MGAT4C: variants seen among roughly 807,000 people sequenced by gnomAD.
MGAT4C encodes the protein MGAT4 family member C, also known as alpha-1,3-mannosyl-glycoprotein 4-beta-N-acetylglucosaminyltransferase C.
In MGAT4C, 19 loss-of-function variants were observed where a neutral mutation model predicts 40.1. The ratio of observed to expected loss-of-function variants is 0.47; its 90% CI spans 0.33 to 0.70. The LOEUF (loss-of-function observed/expected upper bound fraction) is 0.70, where lower values mean the gene tolerates loss of function less well. Ranked by LOEUF, MGAT4C falls within the 30% of genes least tolerant of loss-of-function variation. MGAT4C has a pLI of 0.02. For missense variants in MGAT4C, 491 were observed against 563.2 expected (o/e 0.87, Z 1.30); for synonymous variants, 181 against 187.1 (o/e 0.97, Z 0.27).
At chr12:86,495,868 C>T (rs1470614913) in intron 2 of MGAT4C, among the ~76,000 whole-genome samples, 1 of 151,882 alleles carries the variant, frequency 6.6e-6, no homozygotes, top group African/African-American at 2.4e-5. Flanking sequence ...ACGCCAGACC[C>T]CTCACCCATC....
intron 2 of MGAT4C, among the ~76,000 whole-genome samples, chr12:86,545,181 T>C (rs1418843057): frequency 6.6e-6 from 1 of 152,002 alleles, no homozygotes; most frequent in Admixed American, 6.6e-5. Context: ...TGTAAATCAA[T>C]TTATAAATGA....
intron 2 of MGAT4C, among the ~76,000 whole-genome samples, chr12:86,632,191 C>G (rs1379811856): frequency 3.3e-5 from 5 of 152,004 alleles, no homozygotes; most frequent in Non-Finnish European, 7.3e-5. Context: ...AAATGGAAAT[C>G]AAAATCACAA....
chr12:86,355,114 G>A (rs2136195418), intron 3 of MGAT4C, among the ~76,000 whole-genome samples: 1 of 152,224 alleles, frequency 6.6e-6, no homozygotes, highest in East Asian at 1.9e-4. Context: ...GCACTGATTG[G>A]TGCATTTTAC....
At chr12:86,513,648 G>A (rs1264481066) in intron 2 of MGAT4C, among the ~76,000 whole-genome samples, 1 of 152,064 alleles carries the variant, frequency 6.6e-6, no homozygotes, top group Non-Finnish European at 1.5e-5. Flanking sequence ...AACCTAGGGT[G>A]GTATCAATGG....
At chr12:86,531,150 C>T (rs931089623) in intron 2 of MGAT4C, among the ~76,000 whole-genome samples, 2 of 152,024 alleles carry the variant, frequency 1.3e-5, no homozygotes, top group Non-Finnish European at 2.9e-5. Flanking sequence ...ATAGCTTATG[C>T]AACATTCATT....
intron 2 of MGAT4C, among the ~76,000 whole-genome samples, chr12:85,994,660 AAC>A (rs1349548226): frequency 6.6e-6 from 1 of 152,112 alleles, no homozygotes; most frequent in Non-Finnish European, 1.5e-5. Context: ...AAAACAAAAA[AAC>A]ACTCGGACAC....
intron 2 of MGAT4C, among the ~76,000 whole-genome samples, chr12:86,589,111 G>T (rs10858452): frequency 2.0e-5 from 3 of 151,044 alleles, no homozygotes; most frequent in African/African-American, 4.9e-5. Context: ...AATGAATCCA[G>T]GAGCTGGTTT....
intron 1 of MGAT4C, among the ~76,000 whole-genome samples, chr12:86,768,223 G>A (rs956432720): frequency 1.3e-5 from 2 of 151,942 alleles, no homozygotes. Flanking sequence ...TACACCAATA[G>A]CAGACAAACA....
intron 3 of MGAT4C, among the ~76,000 whole-genome samples, chr12:86,410,782 G>T (rs951681173): frequency 2.6e-5 from 4 of 152,104 alleles, no homozygotes; most frequent in African/African-American, 9.7e-5. Context: ...AAAGACAGGC[G>T]TAAGAAATTA....
Position 86,499,542 on chromosome 12 carries a change from C to CT in MGAT4C, c.-228-64278dup, listed in dbSNP as rs112474861. ...CAATTGGAATCACTCTCAATCGTCTCTTTTTTTTTAACACCTAAAAAATTC... is the reference window on the plus strand; with the variant it reads ...CAATTGGAATCACTCTCAATCGTCTCTTTTTTTTTTAACACCTAAAAAATTC... On this transcript the variant is annotated intron_variant, in intron 2 of 7. Coordinates refer to the MGAT4C transcript ENST00000548651. 2.1e-4 allele frequency among the ~76,000 whole-genome samples: 32 copies of CT among 150,964 alleles called. No homozygotes were observed. In the Middle Eastern group the frequency reaches 0.01, roughly 48 times the overall value.
At chr12:86,077,191 A>G (rs868313061) in intron 1 of MGAT4C, among the ~76,000 whole-genome samples, 1 of 152,246 alleles carries the variant, frequency 6.6e-6, no homozygotes, top group African/African-American at 2.4e-5. Context: ...CTCAGTATTA[A>G]CCATCACAAG....
At chr12:86,598,363 G>A (rs1961622134) in intron 2 of MGAT4C, among the ~76,000 whole-genome samples, 1 of 151,936 alleles carries the variant, frequency 6.6e-6, no homozygotes, top group Non-Finnish European at 1.5e-5. Context: ...TCATATATAT[G>A]TTTGTGTATA....
At chr12:86,332,652 T>TTTTG (rs1555268048) in intron 4 of MGAT4C, among the ~76,000 whole-genome samples, 5 of 151,778 alleles carry the variant, frequency 3.3e-5, no homozygotes, top group East Asian at 1.9e-4. Flanking sequence ...AGGTTTTTTT[T>TTTTG]TGTGTGTGTG....
chr12:86,248,361 C>A (rs1442426216), intron 1 of MGAT4C, among the ~76,000 whole-genome samples: 1 of 151,742 alleles, frequency 6.6e-6, no homozygotes, highest in Non-Finnish European at 1.5e-5. Context: ...AGTAAAATAC[C>A]CTCTATGATT....
chr12:86,771,220 T>TA (rs1201853203), intron 1 of MGAT4C, among the ~76,000 whole-genome samples: 2 of 152,124 alleles, frequency 1.3e-5, no homozygotes, highest in Non-Finnish European at 2.9e-5. Context: ...ACTCCTAGCC[T>TA]ACAGAATTGT....
At chr12:86,513,790 A>G (rs751288776) in intron 2 of MGAT4C, among the ~76,000 whole-genome samples, 3 of 152,174 alleles carry the variant, frequency 2.0e-5, no homozygotes, top group Non-Finnish European at 4.4e-5. Flanking sequence ...AAGGAAGACA[A>G]TAACAGAATC....
intron 3 of MGAT4C, among the ~76,000 whole-genome samples, chr12:86,383,536 C>T (rs968594669): frequency 3.2e-4 from 34 of 107,636 alleles, no homozygotes; most frequent in African/African-American, 1.0e-3. Flanking sequence ...GGTGACAGAG[C>T]GACACTTCGT....
At chr12:85,988,784 A>T (rs1283315423) in intron 3 of MGAT4C, among the ~76,000 whole-genome samples, 1 of 151,988 alleles carries the variant, frequency 6.6e-6, no homozygotes, top group Non-Finnish European at 1.5e-5. Context: ...AAACCTATTT[A>T]TATGTAATCA....
chr12:86,516,563 T>TG (rs1958690725), intron 2 of MGAT4C, among the ~76,000 whole-genome samples: 1 of 146,172 alleles, frequency 6.8e-6, no homozygotes, highest in Non-Finnish European at 1.6e-5. Flanking sequence ...TTTAAGCAAT[T>TG]TTTTTTCTAA....
Sources: allele counts gnomAD v4.1 joint callset (sites outside exome capture counted in the v4.1 genomes callset), GRCh38; gene constraint gnomAD v4.1.1; transcripts MANE v1.5; gene names NCBI Gene and HGNC (gene_info 2026-07-23, HGNC 2026-07-21).